KCNQ1: variants seen among roughly 807,000 people sequenced by gnomAD.
The protein encoded by KCNQ1 is potassium voltage-gated channel subfamily KQT member 1.
Under a neutral mutation model 72.4 loss-of-function variants are expected in KCNQ1, and 49 were observed. That is an observed-to-expected ratio of 0.68 (90% confidence interval 0.54 to 0.86). The LOEUF (loss-of-function observed/expected upper bound fraction) is 0.86. Ranked by LOEUF, KCNQ1 falls within the 40% of genes least tolerant of loss-of-function variation. KCNQ1 has a pLI of 0.00. For missense variants in KCNQ1, 790 were observed against 945.1 expected (o/e 0.84, Z 2.15); for synonymous variants, 450 against 412.6 (o/e 1.09, Z -1.10).
intron 11 of KCNQ1, among the ~76,000 whole-genome samples, chr11:2,702,946 G>C (rs1850843588): frequency 6.6e-6 from 1 of 152,178 alleles, no homozygotes; most frequent in Non-Finnish European, 1.5e-5. Flanking sequence ...CCTGTTGTGT[G>C]CCCCCACTCC....
At chr11:2,708,862 G>A (rs896623494) in intron 11 of KCNQ1, among the ~76,000 whole-genome samples, 2 of 152,088 alleles carry the variant, frequency 1.3e-5, no homozygotes, top group Admixed American at 6.5e-5. Context: ...CCAGCTGTGC[G>A]AGAACATGGC....
rs886927928 is a variant in KCNQ1 at position 2,631,820 on chromosome 11, T to C, written c.1394-30141T>C. On this transcript the variant is annotated intron_variant, in intron 10 of 15. Transcript: ENST00000155840. ...CCTTGGTGGCCAAGGCTGAGTGTCC[T>C]GATGCTGTCGTGTAAATAGAGTTGT... 1.2e-4 allele frequency: 48 copies of C among 398,664 alleles called. No individual in the cohort carries two copies. The Middle Eastern group carries it at 2.5e-3, about 21-fold the overall frequency. 24.7% of individuals were successfully genotyped at this position (398,664 alleles called of 1,614,324 possible). A position where few individuals can be genotyped will look rare whatever the true frequency, so the allele number is the denominator to read the frequency against.
chr11:2,837,935 G>A (rs2134078519), intron 15 of KCNQ1, among the ~76,000 whole-genome samples: 1 of 152,328 alleles, frequency 6.6e-6, no homozygotes, highest in East Asian at 1.9e-4. Flanking sequence ...GGACATTGTG[G>A]TGTGGGAGAT....
chr11:2,527,967 G>C lies in KCNQ1; in HGVS notation c.426G>C (p.Leu142=). 1 of 1,614,108 alleles carries C rather than the reference G, an allele frequency of 6.2e-7. No homozygotes were observed. The highest frequency in any genetic ancestry group is 8.5e-7 in the Non-Finnish European group (1 of 1,180,020). ...TGGTCTGCCTCATCTTCAGCGTGCT[G>C]TCCACCATCGAGCAGTATGCCGCCC... ...IVLVCLIFSV[L]STIEQYAALA... The change falls in exon 2 of 16, where the codon CTG becomes CTC. Residue 142 remains leucine, a synonymous_variant. Transcript: ENST00000155840.
chr11:2,615,908 G>A (rs1849054401), intron 10 of KCNQ1: 2 of 398,030 alleles, frequency 5.0e-6, no homozygotes, highest in Non-Finnish European at 4.4e-6. Flanking sequence ...TTTCTCCTCT[G>A]TTTTTTGGAA....
At chr11:2,476,743 G>T (rs1846574368) in intron 1 of KCNQ1, among the ~76,000 whole-genome samples, 1 of 34,162 alleles carries the variant, frequency 2.9e-5, no homozygotes, top group South Asian at 1.4e-3. Flanking sequence ...CTGGAGTGCA[G>T]TGGTGCAATC....
intron 2 of KCNQ1, among the ~76,000 whole-genome samples, chr11:2,552,881 C>T (rs113172065): frequency 2.0e-5 from 3 of 152,226 alleles, no homozygotes; most frequent in African/African-American, 7.2e-5. Flanking sequence ...TCCACGAACA[C>T]GGTCTTGCTC....
rs539625801 is a variant in KCNQ1 at position 2,677,565 on chromosome 11, T to C, written c.1514+15484T>C. 26 of 398,630 alleles carry C rather than the reference T, an allele frequency of 6.5e-5. No homozygotes were observed. The South Asian group carries it at 3.1e-3, about 47-fold the overall frequency. 24.7% of individuals were successfully genotyped at this position (398,630 alleles called of 1,614,324 possible). Reference sequence around the variant, plus strand: ...AAAGATGCCCTCAGATGTTACCATATAATGCTTTACAAAAGACAAACCAAA... The same window carrying C: ...AAAGATGCCCTCAGATGTTACCATACAATGCTTTACAAAAGACAAACCAAA... On this transcript the variant is annotated intron_variant, in intron 11 of 15. Coordinates refer to ENST00000155840, the MANE Select transcript of KCNQ1 (RefSeq NM_000218.3). This position sits in a 1 kb window ranked among gnomAD's most constrained non-coding sequence, Gnocchi z 4.5.
At chr11:2,502,041 T>C (rs971111328) in intron 1 of KCNQ1, among the ~76,000 whole-genome samples, 2 of 152,144 alleles carry the variant, frequency 1.3e-5, no homozygotes, top group Admixed American at 1.3e-4. Context: ...AGAAGGAACA[T>C]ACCTCAACAT....
chr11:2,566,637 C>T lies in KCNQ1; in HGVS notation c.478-3991C>T, dbSNP rs1372727446. 6.6e-6 allele frequency among the ~76,000 whole-genome samples: 1 copy of T among 152,114 alleles called. No individual in the cohort carries two copies. Among genetic ancestry groups the T allele is most frequent in the African/African-American group, 2.4e-5 (1 of 41,412 alleles). On this transcript the variant is annotated intron_variant, in intron 2 of 15. Coordinates refer to ENST00000155840, the MANE Select transcript of KCNQ1 (RefSeq NM_000218.3). The surrounding 1 kb of genome is among the most constrained non-coding windows in gnomAD (Gnocchi z 6.7). ...AGAGTGACCAGGGTAGGAGGGGCCT[C>T]CTTGTCCCTTTGGTCTGTTTGTGGT...
In KCNQ1 at chr11:2,690,977, C is replaced by T; in HGVS notation, c.1514+28896C>T. 1 of 398,634 alleles carries T rather than the reference C, an allele frequency of 2.5e-6. No individual in the cohort carries two copies. Among genetic ancestry groups the T allele is most frequent in the Non-Finnish European group, 4.4e-6 (1 of 226,074 alleles). 24.7% of individuals were successfully genotyped at this position (398,634 alleles called of 1,614,324 possible). A position where few individuals can be genotyped will look rare whatever the true frequency, so the allele number is the denominator to read the frequency against. ...AGTCACGGGTATGTGTCAACAAAAG[C>T]CCACCAGACCATCAATGAAGTGGGC... On this transcript the variant is annotated intron_variant, in intron 11 of 15. Coordinates refer to ENST00000155840, the MANE Select transcript of KCNQ1 (RefSeq NM_000218.3). This position sits in a 1 kb window ranked among gnomAD's most constrained non-coding sequence, Gnocchi z 5.1.
In KCNQ1 at chr11:2,824,056, T is replaced by C. The variant is rs1205124499; in HGVS notation, c.1795-23711T>C. Among the ~76,000 whole-genome samples, 3 of 152,154 alleles carry C rather than the reference T, an allele frequency of 2.0e-5. No homozygotes were observed. The highest frequency in any genetic ancestry group is 7.2e-5 in the African/African-American group (3 of 41,406). On this transcript the variant is annotated intron_variant, in intron 15 of 15. Transcript: ENST00000155840. This position sits in a 1 kb window ranked among gnomAD's most constrained non-coding sequence, Gnocchi z 5.9. ...TGGAGGCTTGTGCTTATCCATCATATAGCAGGCCTGCCCTTTCCACAGCAC... is the reference window on the plus strand; with the variant it reads ...TGGAGGCTTGTGCTTATCCATCATACAGCAGGCCTGCCCTTTCCACAGCAC...
chr11:2,533,049 C>G lies in KCNQ1; in HGVS notation c.477+5031C>G, dbSNP rs973385834. Among the ~76,000 whole-genome samples the G allele has an allele frequency of 1.5e-4, 23 of 152,290 alleles. No individual in the cohort carries two copies. In the East Asian group the frequency reaches 4.3e-3, roughly 28 times the overall value. On this transcript the variant is annotated intron_variant, in intron 2 of 15. Transcript: ENST00000155840. ...GAGCCCAAACCACAGCCTTGGGGAA[C>G]CCAGGAGGGGCCGGGCGGGTGCAGG...
At position 2,572,861 on chromosome 11, in the gene KCNQ1, C is replaced by A. The variant is rs1263583359; in HGVS notation, c.796C>A (p.Leu266Met). The A allele has an allele frequency of 2.5e-6, 4 of 1,613,746 alleles. No individual in the cohort carries two copies. Among genetic ancestry groups the A allele is most frequent in the Non-Finnish European group, 3.4e-6 (4 of 1,180,036 alleles). ...TCTGGCCTAGGAGCTGATAACCACC[C>A]TGTACATCGGCTTCCTGGGCCTCAT... ...FIHRQELITTLYIGFLGLIFS... is the reference protein window; with the variant it reads ...FIHRQELITTMYIGFLGLIFS... The change falls in exon 6 of 16, where the codon CTG becomes ATG. Residue 266 changes from leucine (L) to methionine (M), a missense_variant. Around this residue, in one of 5 missense-constraint regions of KCNQ1, gnomAD observed 133 missense variants for 219.5 expected, o/e 0.61. Coordinates refer to ENST00000155840, the MANE Select transcript of KCNQ1 (RefSeq NM_000218.3).
At chr11:2,545,615 G>A (rs1847893457) in intron 2 of KCNQ1, among the ~76,000 whole-genome samples, 1 of 151,986 alleles carries the variant, frequency 6.6e-6, no homozygotes, top group South Asian at 2.1e-4. Context: ...GTGATTGATA[G>A]GTGATAATTA....
Position 2,658,078 on chromosome 11 carries a change from G to T in KCNQ1, c.1394-3883G>T, listed in dbSNP as rs1356441672. 1 of 398,422 alleles carries T rather than the reference G, an allele frequency of 2.5e-6. No individual in the cohort carries two copies. The highest frequency in any genetic ancestry group is 2.1e-5 in the African/African-American group (1 of 48,602). The allele number at this position is 398,422 out of a possible 1,614,324, so 24.7% of individuals were successfully genotyped here. A position where few individuals can be genotyped will look rare whatever the true frequency, so the allele number is the denominator to read the frequency against. On this transcript the variant is annotated intron_variant, in intron 10 of 15. Transcript: ENST00000155840. The surrounding 1 kb of genome is among the most constrained non-coding windows in gnomAD (Gnocchi z 4.9). ...GCCCACACTCAAGGTGGGGAAGGGA[G>T]GGGTTCAACTCTACCTCCTGCAGGA... is the stretch of plus-strand genomic sequence containing the variant.
At position 2,451,931 on chromosome 11, in the gene KCNQ1, T is replaced by A. The variant is rs1354870139; in HGVS notation, c.386+6447T>A. Among the ~76,000 whole-genome samples, 1 of 152,156 alleles carries A rather than the reference T, an allele frequency of 6.6e-6. No homozygotes were observed. The highest frequency in any genetic ancestry group is 2.4e-5 in the African/African-American group (1 of 41,438). ...GGTCTCAAGTGAGGTGGTGCACTATTCCTGGCCTCAGGCCCAGTTTGTATC... is the reference window on the plus strand; with the variant it reads ...GGTCTCAAGTGAGGTGGTGCACTATACCTGGCCTCAGGCCCAGTTTGTATC... On this transcript the variant is annotated intron_variant, in intron 1 of 15. Transcript: ENST00000155840. This position sits in a 1 kb window ranked among gnomAD's most constrained non-coding sequence, Gnocchi z 6.4.
intron 10 of KCNQ1, chr11:2,630,720 C>A (rs888724016): frequency 2.5e-6 from 1 of 398,372 alleles, no homozygotes; most frequent in Non-Finnish European, 4.4e-6. Context: ...ATCATCCTTC[C>A]ATTTAAGCCT....
At chr11:2,637,400 T>G (rs890266353) in intron 10 of KCNQ1, 1 of 152,252 alleles carries the variant, frequency 6.6e-6, no homozygotes, top group Non-Finnish European at 1.5e-5. Context: ...CTCATTGGTT[T>G]CAAAGAACAT....
Sources: allele counts gnomAD v4.1 joint callset (sites outside exome capture counted in the v4.1 genomes callset), GRCh38; gene constraint gnomAD v4.1.1; regional missense constraint gnomAD v4.1.1; non-coding constraint Gnocchi (gnomAD v3.1); transcripts MANE v1.5; gene names NCBI Gene and HGNC (gene_info 2026-07-23, HGNC 2026-07-21).